Variants in VAV3 observed in about 807,000 individuals in gnomAD.
VAV3 encodes vav guanine nucleotide exchange factor 3.
A neutral mutation model predicts 131.2 loss-of-function variants in VAV3; 94 were observed. That is an observed-to-expected ratio of 0.72 (90% CI 0.61 to 0.85). The LOEUF is 0.85. VAV3 is among the 40% of genes least tolerant of loss of function. The pLI, the probability that VAV3 is intolerant of heterozygous loss-of-function variation, is 0.00. For synonymous variants in VAV3, 349 were observed against 342.0 expected, an observed-to-expected ratio of 1.02 and a Z score of -0.22; for missense variants, 939 against 1,002.7, an observed-to-expected ratio of 0.94 and a Z score of 0.86.
intron 2 of VAV3, among the ~76,000 whole-genome samples, chr1:107,831,733 G>A (rs1166104984): frequency 6.6e-6 from 1 of 152,008 alleles, no homozygotes; most frequent in Non-Finnish European, 1.5e-5. Context: ...TCTATTTTTG[G>A]GATATTCTGG....
At chr1:107,810,522 T>C (rs1432768117) in intron 2 of VAV3, among the ~76,000 whole-genome samples, 3 of 152,196 alleles carry the variant, frequency 2.0e-5, no homozygotes, top group Admixed American at 6.5e-5. Context: ...ATGGAAGTTT[T>C]ACTATTTCAC....
At chr1:107,750,288 A>T (rs1250912405) in intron 13 of VAV3, among the ~76,000 whole-genome samples, 2 of 152,226 alleles carry the variant, frequency 1.3e-5, no homozygotes, top group African/African-American at 2.4e-5. Flanking sequence ...TGTAAACTGA[A>T]AACGTTATGG....
At chr1:107,804,546 AT>A in intron 2 of VAV3, among the ~76,000 whole-genome samples, 1 of 152,268 alleles carries the variant, frequency 6.6e-6, no homozygotes, top group Admixed American at 6.5e-5. Flanking sequence ...TTTTAACTCC[AT>A]TCTCTCCACA....
chr1:107,710,301 T>C (rs1660710185), intron 15 of VAV3, among the ~76,000 whole-genome samples: 1 of 152,296 alleles, frequency 6.6e-6, no homozygotes, highest in Middle Eastern at 3.4e-3. Context: ...ATACATAAAA[T>C]GGTTTATTTC....
At chr1:107,909,458 T>C (rs1407516011) in intron 1 of VAV3, among the ~76,000 whole-genome samples, 1 of 151,682 alleles carries the variant, frequency 6.6e-6, no homozygotes, top group Non-Finnish European at 1.5e-5. Context: ...GAAAAAAAAA[T>C]GGTCACAATT....
chr1:107,887,760 T>TG lies in VAV3; in HGVS notation c.205-12744dup, dbSNP rs554964571. On this transcript the variant is annotated intron_variant, in intron 1 of 26. Transcript: ENST00000370056. ...CAACCCATACACCAACACAACCCCC[T>TG]GCTCAGATATTTGGCCCTCTCTGAT... Among the ~76,000 whole-genome samples, 628 of 152,260 alleles carry TG rather than the reference T, an allele frequency of 4.1e-3. 5 individuals carry two copies. Among genetic ancestry groups the TG allele is most frequent in the African/African-American group, 0.014 (590 of 41,558 alleles).
At chr1:107,791,582 T>C (rs1666290440) in intron 2 of VAV3, among the ~76,000 whole-genome samples, 1 of 152,208 alleles carries the variant, frequency 6.6e-6, no homozygotes, top group Non-Finnish European at 1.5e-5. Flanking sequence ...GTGGAGCTTT[T>C]GAAAAACACT....
At chr1:107,589,425 A>T (rs1570569600) in intron 25 of VAV3, among the ~76,000 whole-genome samples, 1 of 152,154 alleles carries the variant, frequency 6.6e-6, no homozygotes, top group Admixed American at 6.6e-5. Context: ...GCATCTATAA[A>T]CCAAGCCATG....
chr1:107,935,661 C>T (rs1673673932), intron 1 of VAV3, among the ~76,000 whole-genome samples: 1 of 152,164 alleles, frequency 6.6e-6, no homozygotes, highest in Non-Finnish European at 1.5e-5. Flanking sequence ...GCAAGGTAGG[C>T]AGAGGCAAAG....
chr1:107,792,116 A>T (rs1327157148), intron 2 of VAV3, among the ~76,000 whole-genome samples: 1 of 152,212 alleles, frequency 6.6e-6, no homozygotes, highest in African/African-American at 2.4e-5. Context: ...AACATTCCCC[A>T]TTGTTCCACT....
chr1:107,899,244 A>G (rs1671748147), intron 1 of VAV3, among the ~76,000 whole-genome samples: 1 of 152,196 alleles, frequency 6.6e-6, no homozygotes, highest in Non-Finnish European at 1.5e-5. Context: ...CTAGAAATAT[A>G]GAAGAGAGTG....
intron 2 of VAV3, among the ~76,000 whole-genome samples, chr1:107,818,928 T>C (rs937989401): frequency 2.6e-5 from 4 of 152,214 alleles, no homozygotes; most frequent in African/African-American, 9.6e-5. Context: ...TTGATTCTCA[T>C]AGTCAAAATA....
intron 20 of VAV3, among the ~76,000 whole-genome samples, chr1:107,625,424 G>T (rs1002057489): frequency 6.6e-6 from 1 of 151,922 alleles, no homozygotes; most frequent in African/African-American, 2.4e-5. Context: ...ATACCACCAT[G>T]CCTGGCTAAT....
chr1:107,625,802 A>T (rs1332702712), intron 20 of VAV3, among the ~76,000 whole-genome samples: 2 of 152,214 alleles, frequency 1.3e-5, no homozygotes, highest in East Asian at 3.9e-4. Flanking sequence ...GCATGTGCAC[A>T]TGCATACTTT....
At chr1:107,843,955 T>C (rs1398186606) in intron 2 of VAV3, among the ~76,000 whole-genome samples, 1 of 152,104 alleles carries the variant, frequency 6.6e-6, no homozygotes, top group South Asian at 2.1e-4. Flanking sequence ...GATGAAACTA[T>C]CTTATATAAG....
chr1:107,722,753 A>G (rs1210668537), intron 15 of VAV3, among the ~76,000 whole-genome samples: 1 of 151,196 alleles, frequency 6.6e-6, no homozygotes, highest in Admixed American at 6.6e-5. Context: ...CCTTTAAGAT[A>G]CCTTGGGCTT....
At chr1:107,666,127 C>A (rs183325993) in intron 19 of VAV3, among the ~76,000 whole-genome samples, 29 of 152,230 alleles carry the variant, frequency 1.9e-4, no homozygotes, top group African/African-American at 5.5e-4. Context: ...TCACCTTACC[C>A]TTCCTCTTCA....
chr1:107,818,850 C>T (rs562883040), intron 2 of VAV3, among the ~76,000 whole-genome samples: 19 of 152,244 alleles, frequency 1.2e-4, no homozygotes, highest in Admixed American at 1.2e-3. Flanking sequence ...GACATGCTAC[C>T]ATCATTTAGC....
intron 4 of VAV3, among the ~76,000 whole-genome samples, 189 bp downstream of exon 4, chr1:107,777,042 C>T (rs550415538): frequency 9.9e-5 from 15 of 152,266 alleles, no homozygotes; most frequent in Admixed American, 2.6e-4. Flanking sequence ...TTCATGGGGA[C>T]ACAAAACAGG....
Sources: gnomAD v4.1 joint callset for allele counts (sites outside exome capture counted in the v4.1 genomes callset) on GRCh38, gnomAD v4.1.1 for gene constraint, MANE v1.5 for transcripts, NCBI Gene and HGNC (gene_info 2026-07-23, HGNC 2026-07-21) for gene names.